Variants in ATP6AP2 observed in about 807,000 individuals in gnomAD.
ATP6AP2 encodes renin receptor.
In ATP6AP2, 1 loss-of-function variant was observed where a neutral mutation model predicts 23.4. The observed-to-expected ratio is 0.04, with a 90% CI of 0.02 to 0.20. The LOEUF is 0.20. ATP6AP2 is among the 10% of genes least tolerant of loss of function. ATP6AP2 has a pLI of 1.00. For synonymous variants in ATP6AP2, 90 were observed against 97.1 expected (o/e 0.93, Z 0.43); for missense variants, 174 against 271.3 (o/e 0.64, Z 2.52).
intron 2 of ATP6AP2, chrX:40,590,131 G>C (rs1375282281): frequency 9.0e-6 from 1 of 111,556 alleles, no homozygotes; most frequent in Non-Finnish European, 1.9e-5. Context: ...TCAAACTCCA[G>C]GGCCCAAGTG....
At position 40,605,909 on chromosome X, in the gene ATP6AP2, T is replaced by C. The variant is rs1293184323; in HGVS notation, c.*154T>C. On this transcript the variant is annotated 3_prime_UTR_variant, in exon 9 of 9. Coordinates refer to ENST00000636580, the MANE Select transcript of ATP6AP2 (RefSeq NM_005765.3). ...ATTTTGTGTGTGCCTGTGATGTTTT[T>C]CTAGAGTGAATTATAGTATTGACGT... is the stretch of plus-strand genomic sequence containing the variant. 1 of 500,330 alleles carries C rather than the reference T, an allele frequency of 2.0e-6. No homozygotes were observed. Among genetic ancestry groups the C allele is most frequent in the Non-Finnish European group, 3.3e-6 (1 of 305,161 alleles). The allele number at this position is 500,330 out of a possible 1,213,427, so 41.2% of individuals were successfully genotyped here. A position where few individuals can be genotyped will look rare whatever the true frequency, so the allele number is the denominator to read the frequency against.
At chrX:40,600,929 T>TTTA in intron 8 of ATP6AP2, 48 bp downstream of exon 8, 1 of 1,001,945 alleles carries the variant, frequency 1.0e-6, no homozygotes, top group Non-Finnish European at 1.3e-6. Flanking sequence ...ATTAACTTCT[T>TTTA]ATAAAAAAAA....
At chrX:40,582,521 T>C (rs1005048205) in intron 1 of ATP6AP2, among the ~76,000 whole-genome samples, 2 of 111,824 alleles carry the variant, frequency 1.8e-5, no homozygotes, top group African/African-American at 6.5e-5. Flanking sequence ...TGCACCAGTA[T>C]GCTCTTGAAA....
intron 5 of ATP6AP2, chrX:40,598,018 G>A: frequency 8.6e-6 from 2 of 232,387 alleles, no homozygotes; most frequent in Non-Finnish European, 1.6e-5. Context: ...TAGCACGAGG[G>A]TTGCCACCTA....
chrX:40,599,772 G>A (rs1437094611), intron 7 of ATP6AP2, 31 bp downstream of exon 7: 1 of 1,206,122 alleles, frequency 8.3e-7, no homozygotes, highest in Non-Finnish European at 1.1e-6. Flanking sequence ...AGAGGTTGGA[G>A]TATGACCATT....
At chrX:40,597,954 A>G (rs1252711080) in intron 5 of ATP6AP2, 1 of 279,333 alleles carries the variant, frequency 3.6e-6, no homozygotes, top group African/African-American at 2.8e-5. Context: ...TATGACTCTC[A>G]TGAATAAACT....
chrX:40,601,600 C>A (rs1254422303), intron 8 of ATP6AP2, among the ~76,000 whole-genome samples: 3 of 112,010 alleles, frequency 2.7e-5, no homozygotes, highest in Non-Finnish European at 3.8e-5. Flanking sequence ...ATACTTACAG[C>A]TGCAGCAGAA....
intron 1 of ATP6AP2, among the ~76,000 whole-genome samples, chrX:40,587,452 G>A (rs976447002): frequency 8.9e-6 from 1 of 111,907 alleles, no homozygotes; most frequent in Non-Finnish European, 1.9e-5. Context: ...GGACATTCCT[G>A]TTCTGACAGC....
chrX:40,585,727 G>A (rs1005555426), intron 1 of ATP6AP2, among the ~76,000 whole-genome samples: 1 of 110,662 alleles, frequency 9.0e-6, no homozygotes, highest in African/African-American at 3.3e-5. Flanking sequence ...GTGGTGGTGC[G>A]TGCCTGTAGT....
At chrX:40,592,266 C>T (rs1207027571) in intron 3 of ATP6AP2, 1 of 112,383 alleles carries the variant, frequency 8.9e-6, no homozygotes, top group Non-Finnish European at 1.9e-5. Context: ...AAAAAAAATG[C>T]CATGAGAAAC....
At chrX:40,586,844 T>G (rs1212201917) in intron 1 of ATP6AP2, among the ~76,000 whole-genome samples, 1 of 112,403 alleles carries the variant, frequency 8.9e-6, no homozygotes, top group Non-Finnish European at 1.9e-5. Flanking sequence ...GAAGGACTGT[T>G]GTACAGGCAT....
In ATP6AP2 at chrX:40,605,677, T is replaced by C; in HGVS notation, c.975T>C (p.Ser325=). The part of the protein sequence containing the change: ...IALALAVIIT[S]YNIWNMDPGY... ...TGGCCTTGGCTGTGATTATCACCTC[T>C]TACAATATTTGGAACATGGATCCTG... is the stretch of plus-strand genomic sequence containing the variant. The change falls in exon 9 of 9, where the codon TCT becomes TCC. Residue 325 remains serine (S), a synonymous_variant. Transcript: ENST00000636580. 8.3e-7 allele frequency: 1 copy of C among 1,209,188 alleles called. No individual in the cohort carries two copies. Among genetic ancestry groups the C allele is most frequent in the Non-Finnish European group, 1.1e-6 (1 of 893,109 alleles).
intron 3 of ATP6AP2, chrX:40,591,964 T>TCTC (rs1443801405): frequency 8.8e-6 from 1 of 113,587 alleles, no homozygotes. Flanking sequence ...GCCATAGTGG[T>TCTC]GAGCAGAAGC....
chrX:40,605,326 C>T (rs1927045284), intron 8 of ATP6AP2: 5 of 401,427 alleles, frequency 1.2e-5, no homozygotes, highest in Admixed American at 8.6e-5. Flanking sequence ...ACACCTTCAA[C>T]TTTATTAGGT....
chrX:40,593,870 A>G (rs1385238115), intron 3 of ATP6AP2, among the ~76,000 whole-genome samples: 1 of 111,452 alleles, frequency 9.0e-6, no homozygotes, highest in Middle Eastern at 4.2e-3. Flanking sequence ...GCTTCCATCC[A>G]TATCTTAGAA....
Position 40,599,671 on chromosome X carries a change from G to A in ATP6AP2, c.668G>A (p.Gly223Glu), listed in dbSNP as rs1473159808. 1 of 1,211,299 alleles carries A rather than the reference G, an allele frequency of 8.3e-7. No homozygotes were observed. ...GAGCTGGCAGGTTTGGATGAAATTG[G>A]GAAGCGTTATGGGGAAGACTCTGAA... ...SLELAGLDEIGKRYGEDSEQF... is the reference protein window; with the variant it reads ...SLELAGLDEIEKRYGEDSEQF... The change falls in exon 7 of 9, where the codon GGG becomes GAG. Residue 223 changes from glycine to glutamate, a missense_variant. Coordinates refer to ENST00000636580, the MANE Select transcript of ATP6AP2 (RefSeq NM_005765.3).
intron 5 of ATP6AP2, chrX:40,598,153 C>G (rs1926821049): frequency 1.2e-5 from 2 of 168,048 alleles, no homozygotes; most frequent in South Asian, 2.5e-4. Flanking sequence ...CTCATTCATT[C>G]TGGACATTGC....
intron 3 of ATP6AP2, among the ~76,000 whole-genome samples, chrX:40,592,940 A>C (rs1020996488): frequency 4.5e-5 from 5 of 112,085 alleles, no homozygotes; most frequent in African/African-American, 1.6e-4. Context: ...AATAATAATA[A>C]AATGATATCT....
chrX:40,597,251 A>T lies in ATP6AP2; in HGVS notation c.303A>T (p.Ala101=). 1 of 1,191,443 alleles carries T rather than the reference A, an allele frequency of 8.4e-7. No individual in the cohort carries two copies. Among genetic ancestry groups the T allele is most frequent in the South Asian group, 1.8e-5 (1 of 56,351 alleles). ...GCGTTCTTACTCTTAAATTTCAGGC[A>T]GTTCCTTTTAGTCTTGACAGTGTTG... The part of the protein sequence containing the change: ...GSVISYPLEN[A]VPFSLDSVAN... The change falls in exon 4 of 9, where the codon GCA becomes GCT. Residue 101 remains alanine, a splice_region_variant and synonymous_variant. Transcript: ENST00000636580.
Sources: gnomAD v4.1 joint callset for allele counts (sites outside exome capture counted in the v4.1 genomes callset) on GRCh38, gnomAD v4.1.1 for gene constraint, MANE v1.5 for transcripts, NCBI Gene and HGNC (gene_info 2026-07-23, HGNC 2026-07-21) for gene names.